Variants in STIMATE observed in about 807,000 individuals in gnomAD.
The protein encoded by STIMATE is STIM activating enhancer.
Under a neutral mutation model 36.7 loss-of-function variants are expected in STIMATE, and 15 were observed. The ratio of observed to expected loss-of-function variants is 0.41; its 90% CI spans 0.27 to 0.63. The LOEUF is 0.63. Ranked by LOEUF, STIMATE falls within the 20% of genes least tolerant of loss-of-function variation. STIMATE has a pLI of 0.32. For synonymous variants in STIMATE, 163 were observed against 162.3 expected (o/e 1.00, Z -0.03); for missense variants, 305 against 397.3 (o/e 0.77, Z 1.98).
Position 52,867,260 on chromosome 3 carries a change from G to T in STIMATE, c.161-11816C>A, listed in dbSNP as rs183068139. Among the ~76,000 whole-genome samples, 3 of 152,306 alleles carry T rather than the reference G, an allele frequency of 2.0e-5. No homozygotes were observed. The East Asian group carries it at 5.8e-4, about 29-fold the overall frequency. Reference sequence around the variant, plus strand: ...TCTACAGTGTAACCTTAAAGCAGGAGGATCATCACAGGCCTCCCAGTGGCC... The same window carrying T: ...TCTACAGTGTAACCTTAAAGCAGGATGATCATCACAGGCCTCCCAGTGGCC... On this transcript the variant is annotated intron_variant, in intron 1 of 7. Transcript: ENST00000355083.
intron 1 of STIMATE, among the ~76,000 whole-genome samples, chr3:52,860,126 TA>T (rs11295589): frequency 0.68 from 92,560 of 135,316 alleles, 32,849 homozygotes; most frequent in Middle Eastern, 0.81. Flanking sequence ...GTAAAGGGGG[TA>T]AAAAAAAAAA....
At chr3:52,866,631 T>C (rs978361331) in intron 1 of STIMATE, among the ~76,000 whole-genome samples, 2 of 152,158 alleles carry the variant, frequency 1.3e-5, no homozygotes, top group Non-Finnish European at 2.9e-5. Context: ...AACGCTATGT[T>C]GTTTGGTTTT....
intron 1 of STIMATE, among the ~76,000 whole-genome samples, chr3:52,862,115 T>C (rs1462872392): frequency 1.3e-5 from 2 of 152,202 alleles, no homozygotes; most frequent in Non-Finnish European, 2.9e-5. Context: ...CTGCTAGTCC[T>C]GCCCAGCTCT....
rs573720984 is a variant in STIMATE, at chr3:52,878,371, C to T, written c.160+18920G>A. Among the ~76,000 whole-genome samples, 6 of 152,092 alleles carry T rather than the reference C, an allele frequency of 3.9e-5. No homozygotes were observed. The South Asian group carries it at 1.2e-3, about 32-fold the overall frequency. ...AGTCTGATGGTCCTGGCTGTACCAC[C>T]TCTGCTCCCGGGCCTAGGAACCCTA... On this transcript the variant is annotated intron_variant, in intron 1 of 7. Coordinates refer to ENST00000355083, the MANE Select transcript of STIMATE (RefSeq NM_198563.5).
At chr3:52,845,086 G>A (rs1700871517) in intron 4 of STIMATE, 145 bp from the exon 5 acceptor site, 1 of 636,402 alleles carries the variant, frequency 1.6e-6, no homozygotes, top group Admixed American at 3.3e-5. Flanking sequence ...AAGTCCAAAG[G>A]ATTACCTCAT....
intron 4 of STIMATE, 69 bp downstream of exon 4, chr3:52,849,723 C>A (rs1034665663): frequency 6.5e-7 from 1 of 1,543,942 alleles, no homozygotes; most frequent in African/African-American, 1.4e-5. Context: ...CCTGGTGGGC[C>A]GCATGGGGCA....
At chr3:52,891,567 A>G (rs918235095) in intron 1 of STIMATE, among the ~76,000 whole-genome samples, 2 of 152,168 alleles carry the variant, frequency 1.3e-5, no homozygotes, top group Non-Finnish European at 2.9e-5. Flanking sequence ...AAACACAAGA[A>G]AGATTAGGTC....
At chr3:52,880,127 T>C (rs6798472) in intron 1 of STIMATE, among the ~76,000 whole-genome samples, 131,347 of 152,226 alleles carry the variant, frequency 0.86, 56,797 homozygotes, top group East Asian at 0.96. Context: ...AGGCCAAGCA[T>C]AGTTCATGAG....
chr3:52,886,004 CT>C (rs1279334018), intron 1 of STIMATE, among the ~76,000 whole-genome samples: 1 of 152,208 alleles, frequency 6.6e-6, no homozygotes, highest in Non-Finnish European at 1.5e-5. Flanking sequence ...CCTCCTCATC[CT>C]TTAGCACAGG....
chr3:52,867,861 G>A (rs1434320126), intron 1 of STIMATE, among the ~76,000 whole-genome samples: 3 of 152,284 alleles, frequency 2.0e-5, no homozygotes, highest in Middle Eastern at 3.4e-3. Context: ...TAGAGGAGCC[G>A]CAAAGAAAGC....
intron 2 of STIMATE, among the ~76,000 whole-genome samples, chr3:52,853,356 G>A (rs934354473): frequency 1.3e-5 from 2 of 152,214 alleles, no homozygotes; most frequent in Non-Finnish European, 2.9e-5. Context: ...AAACAAGGGT[G>A]TTAATCTCTG....
intron 5 of STIMATE, among the ~76,000 whole-genome samples, chr3:52,844,251 A>G (rs921085392): frequency 1.6e-4 from 25 of 152,386 alleles, no homozygotes; most frequent in African/African-American, 4.3e-4. Flanking sequence ...ATTTTCTTAA[A>G]TAAAATCCAA....
intron 1 of STIMATE, among the ~76,000 whole-genome samples, chr3:52,881,955 T>TA (rs1701612745): frequency 6.6e-6 from 1 of 152,244 alleles, no homozygotes; most frequent in Admixed American, 6.5e-5. Context: ...TTTGCTATGT[T>TA]AGTTTTGTAC....
intron 4 of STIMATE, among the ~76,000 whole-genome samples, chr3:52,845,638 T>C (rs1474630829): frequency 4.6e-5 from 7 of 152,178 alleles, no homozygotes; most frequent in Admixed American, 4.6e-4. Context: ...CTGGGACCCC[T>C]TCAGTCACCA....
chr3:52,897,117 G>T (rs1394538818), intron 1 of STIMATE, among the ~76,000 whole-genome samples, 174 bp downstream of exon 1: 1 of 152,198 alleles, frequency 6.6e-6, no homozygotes, highest in African/African-American at 2.4e-5. Context: ...AGGCCACAGC[G>T]AGTAGGTGAG....
chr3:52,876,888 C>T (rs1211523246), intron 1 of STIMATE, among the ~76,000 whole-genome samples: 1 of 152,146 alleles, frequency 6.6e-6, no homozygotes, highest in Non-Finnish European at 1.5e-5. Context: ...ACTGCTCTAA[C>T]CCCCACGCTG....
At chr3:52,876,062 T>A (rs753210642) in intron 1 of STIMATE, among the ~76,000 whole-genome samples, 5 of 152,242 alleles carry the variant, frequency 3.3e-5, no homozygotes, top group African/African-American at 1.2e-4. Flanking sequence ...CATGAGGAGA[T>A]CTGAGAAAGT....
intron 1 of STIMATE, among the ~76,000 whole-genome samples, chr3:52,858,723 A>G (rs941952904): frequency 9.9e-5 from 15 of 152,258 alleles, no homozygotes; most frequent in Admixed American, 2.0e-4. Context: ...TACATGCTAT[A>G]CAAGTATTAT....
At chr3:52,885,332 G>C (rs556147392) in intron 1 of STIMATE, among the ~76,000 whole-genome samples, 7 of 151,938 alleles carry the variant, frequency 4.6e-5, no homozygotes, top group Non-Finnish European at 7.4e-5. Flanking sequence ...AGTCATATTT[G>C]CAAGTATTTT....
Sources: allele counts gnomAD v4.1 joint callset (sites outside exome capture counted in the v4.1 genomes callset), GRCh38; gene constraint gnomAD v4.1.1; transcripts MANE v1.5; gene names NCBI Gene and HGNC (gene_info 2026-07-23, HGNC 2026-07-21).